Variants in TDRD9 observed in about 807,000 individuals in gnomAD.
The protein encoded by TDRD9 is ATP-dependent RNA helicase TDRD9.
In TDRD9, 124 loss-of-function variants were observed where a neutral mutation model predicts 172.6. The observed-to-expected ratio is 0.72, with a 90% CI of 0.62 to 0.83. The LOEUF is 0.83. TDRD9 is among the 40% of genes least tolerant of loss of function. TDRD9 has a pLI of 0.00. For missense variants in TDRD9, 1,479 were observed against 1,714.1 expected (o/e 0.86, Z 2.42); for synonymous variants, 619 against 617.1 (o/e 1.00, Z -0.05).
intron 7 of TDRD9, among the ~76,000 whole-genome samples, chr14:103,983,353 G>A (rs916758972): frequency 9.9e-5 from 15 of 151,888 alleles, no homozygotes; most frequent in African/African-American, 2.9e-4. Flanking sequence ...ATGAGCCACC[G>A]TGCCCAGCCT....
intron 1 of TDRD9, among the ~76,000 whole-genome samples, chr14:103,955,298 T>C (rs1208440160): frequency 6.6e-6 from 1 of 152,098 alleles, no homozygotes; most frequent in Non-Finnish European, 1.5e-5. Flanking sequence ...CTTAGGAGGT[T>C]GAGGTTACAG....
chr14:104,050,171 T>G (rs1332960351), intron 35 of TDRD9, among the ~76,000 whole-genome samples: 1 of 152,152 alleles, frequency 6.6e-6, no homozygotes, highest in Non-Finnish European at 1.5e-5. Context: ...TGTGGGTCCT[T>G]GTGAGGACCT....
chr14:104,003,232 T>A (rs1280908034), intron 13 of TDRD9, among the ~76,000 whole-genome samples: 3 of 152,214 alleles, frequency 2.0e-5, no homozygotes, highest in Non-Finnish European at 4.4e-5. Context: ...GTTATTTTTT[T>A]ATAAGGGTTA....
At chr14:104,049,846 ACAGGCTGTT>A (rs1458646899) in intron 35 of TDRD9, 166 bp downstream of exon 35, 5 of 604,424 alleles carry the variant, frequency 8.3e-6, no homozygotes, top group Non-Finnish European at 1.5e-5. Context: ...CTCAGACCAG[ACAGGCTGTT>A]TCTGCACAGT....
chr14:103,961,316 C>T (rs527815576), intron 2 of TDRD9, among the ~76,000 whole-genome samples: 43 of 152,282 alleles, frequency 2.8e-4, no homozygotes, highest in African/African-American at 9.6e-4. Flanking sequence ...CGTGGTGGCT[C>T]ATGCCTGTAA....
chr14:103,941,690 T>C, intron 1 of TDRD9: 1 of 1,512,134 alleles, frequency 6.6e-7, no homozygotes, highest in Non-Finnish European at 8.8e-7. Context: ...AGCCAAAAAG[T>C]GGCATTTTTA....
intron 30 of TDRD9, 68 bp from the exon 31 acceptor site, chr14:104,033,892 G>T: frequency 3.2e-6 from 3 of 952,212 alleles, no homozygotes; most frequent in Non-Finnish European, 4.9e-6. Flanking sequence ...GGTTGCTTGT[G>T]GGTTGGCATA....
At chr14:104,022,600 A>C (rs1225903181) in intron 24 of TDRD9, among the ~76,000 whole-genome samples, 1 of 151,938 alleles carries the variant, frequency 6.6e-6, no homozygotes, top group Non-Finnish European at 1.5e-5. Context: ...GGTCGCACAC[A>C]CCTTTAATCC....
chr14:103,965,513 A>G lies in TDRD9; in HGVS notation c.601A>G (p.Lys201Glu). Reference protein sequence around the residue: ...GASSIARWISKERAWTLGGVV... With the variant: ...GASSIARWISEERAWTLGGVV... ...AAGCAGCATCGCCAGGTGGATCAGT[A>G]AAGAGCGTGCCTGGACCCTGGGAGG... Residue 201 changes from lysine to glutamate, a missense_variant, in exon 4 of 36, where the codon AAA (lysine) becomes GAA (glutamate). This residue lies in a region of TDRD9 where 1,413 missense variants were observed against 1,649.1 expected (regional missense o/e 0.86). Transcript: ENST00000409874. The G allele has an allele frequency of 1.3e-6, 2 of 1,549,506 alleles. No individual in the cohort carries two copies. The highest frequency in any genetic ancestry group is 1.7e-6 in the Non-Finnish European group (2 of 1,146,950).
Position 103,975,524 on chromosome 14 carries a change from A to T in TDRD9, c.982A>T (p.Asn328Tyr). 2 of 1,611,152 alleles carry T rather than the reference A, an allele frequency of 1.2e-6. No homozygotes were observed. The highest frequency in any genetic ancestry group is 1.7e-6 in the Non-Finnish European group (2 of 1,178,538). ...KPHSVEEYYL[N>Y]DLEHIHHSKL... is the part of the protein sequence containing the mutation. ...CCATTCAGTTGAAGAGTATTATCTT[A>T]ATGATTTGGAGCACATTCATCATAG... Residue 328 changes from asparagine (N) to tyrosine (Y), a missense_variant, in exon 7 of 36, where the codon AAT becomes TAT. By Grantham distance (143) the Asn-to-Tyr change is moderately radical. Coordinates refer to ENST00000409874, the MANE Select transcript of TDRD9 (RefSeq NM_153046.3).
chr14:103,932,119 G>A (rs1449298904), intron 1 of TDRD9, among the ~76,000 whole-genome samples: 1 of 152,178 alleles, frequency 6.6e-6, no homozygotes, highest in Non-Finnish European at 1.5e-5. Flanking sequence ...CCCTAAGCAG[G>A]GGATCCAGTT....
At chr14:103,978,522 C>T (rs138016155) in intron 7 of TDRD9, among the ~76,000 whole-genome samples, 79 of 152,262 alleles carry the variant, frequency 5.2e-4, no homozygotes, top group African/African-American at 1.7e-3. Flanking sequence ...TCTGGGATCC[C>T]GTCCGGGATG....
chr14:103,937,408 C>A (rs1341005117), intron 1 of TDRD9, among the ~76,000 whole-genome samples: 2 of 152,176 alleles, frequency 1.3e-5, no homozygotes, highest in Non-Finnish European at 2.9e-5. Context: ...TCATTTGGGA[C>A]CCTGTTCAGA....
At chr14:103,940,725 C>A in intron 1 of TDRD9, 1 of 953,898 alleles carries the variant, frequency 1.0e-6, no homozygotes, top group Non-Finnish European at 1.5e-6. Flanking sequence ...CAAAGAAAAA[C>A]TTGAAGTCAC....
Position 103,965,583 on chromosome 14 carries a change from G to A in TDRD9, c.642+29G>A, listed in dbSNP as rs114977340. 2.6e-3 allele frequency: 3,889 copies of A among 1,510,798 alleles called. 111 individuals are homozygous for A. In the African/African-American group the frequency reaches 0.048, roughly 19 times the overall value. The allele number at this position is 1,510,798 out of a possible 1,614,324, so 93.6% of individuals were successfully genotyped here. A position where few individuals can be genotyped will look rare whatever the true frequency, so the allele number is the denominator to read the frequency against. ...AGACTGGGAGGGAGGGAGGGACTAA[G>A]AGAGCCAGCTGTCTCTCTATTCCTT... is the stretch of plus-strand genomic sequence containing the variant. On this transcript the variant is annotated intron_variant, in intron 4 of 35. Coordinates refer to ENST00000409874, the MANE Select transcript of TDRD9 (RefSeq NM_153046.3).
Position 104,006,476 on chromosome 14 carries a change from C to G in TDRD9, c.1801C>G (p.Leu601Val). ...CTTCTTAGGAAGAGTTTTAGCCCAACTTCCTGTAAATCAGCAACTTGGTAA... is the reference window on the plus strand; with the variant it reads ...CTTCTTAGGAAGAGTTTTAGCCCAAGTTCCTGTAAATCAGCAACTTGGTAA... Reference protein sequence around the residue: ...LTFLGRVLAQLPVNQQLGKLI... With the variant: ...LTFLGRVLAQVPVNQQLGKLI... Residue 601 changes from leucine (L) to valine (V), a missense_variant, in exon 16 of 36, where the codon CTT (leucine) becomes GTT (valine). Transcript: ENST00000409874. 1 of 1,613,738 alleles carries G rather than the reference C, an allele frequency of 6.2e-7. No individual in the cohort carries two copies. Among genetic ancestry groups the G allele is most frequent in the Non-Finnish European group, 8.5e-7 (1 of 1,179,640 alleles).
chr14:104,018,160 T>C lies in TDRD9; in HGVS notation c.2400T>C (p.Gly800=), dbSNP rs1368739416. 1.2e-6 allele frequency: 2 copies of C among 1,605,246 alleles called. No homozygotes were observed. The highest frequency in any genetic ancestry group is 2.7e-5 in the African/African-American group (2 of 74,770). The change falls in exon 23 of 36, where the codon GGT becomes GGC. Residue 800 remains glycine, a synonymous_variant. Transcript: ENST00000409874. ...KQLQSLFRQC[G]QVKSIVFDGA... ...TACAGTCTCTCTTTAGACAGTGTGGTCAAGTCAAATCCATTGTATTTGATG... is the reference window on the plus strand; with the variant it reads ...TACAGTCTCTCTTTAGACAGTGTGGCCAAGTCAAATCCATTGTATTTGATG...
At chr14:104,020,672 C>CACACCT (rs1566788011) in intron 23 of TDRD9, among the ~76,000 whole-genome samples, 2 of 152,138 alleles carry the variant, frequency 1.3e-5, no homozygotes, top group African/African-American at 4.8e-5. Flanking sequence ...ACCTGCTCCA[C>CACACCT]ACACCTCCCC....
chr14:103,999,526 G>C (rs747595377), intron 13 of TDRD9, among the ~76,000 whole-genome samples: 1 of 152,210 alleles, frequency 6.6e-6, no homozygotes, highest in Non-Finnish European at 1.5e-5. Flanking sequence ...CTACAGTGGA[G>C]GTATATTCAT....
Sources: gnomAD v4.1 joint callset for allele counts (sites outside exome capture counted in the v4.1 genomes callset) on GRCh38, gnomAD v4.1.1 for gene constraint, gnomAD v4.1.1 regional missense constraint, MANE v1.5 for transcripts, NCBI Gene and HGNC (gene_info 2026-07-23, HGNC 2026-07-21) for gene names.